The following G3BP1 variants were observed in gnomAD, a reference collection of about 807,000 sequenced individuals.
G3BP1 encodes the protein G3BP stress granule assembly factor 1, also known as ras GTPase-activating protein-binding protein 1.
A neutral mutation model predicts 58.6 loss-of-function variants in G3BP1; 35 were observed. The ratio of observed to expected loss-of-function variants is 0.60; its 90% confidence interval spans 0.46 to 0.79. G3BP1 has a LOEUF of 0.79. G3BP1 is among the 30% of genes least tolerant of loss of function. The probability of loss-of-function intolerance (pLI) is 0.00; values close to 1 mark genes in which losing one functional copy is unlikely to be tolerated. For missense variants in G3BP1, 523 were observed against 580.8 expected (o/e 0.90, Z 1.02); for synonymous variants, 191 against 195.4 (o/e 0.98, Z 0.19).
intron 1 of G3BP1, among the ~76,000 whole-genome samples, chr5:151,773,655 C>G (rs1762317196): frequency 6.6e-6 from 1 of 152,026 alleles, no homozygotes; most frequent in South Asian, 2.1e-4. Context: ...TTCTGGAAAC[C>G]CTTTCTATAA....
At chr5:151,783,492 C>A (rs913172461) in intron 1 of G3BP1, among the ~76,000 whole-genome samples, 1 of 151,670 alleles carries the variant, frequency 6.6e-6, no homozygotes, top group African/African-American at 2.4e-5. Flanking sequence ...GCTGCAACCT[C>A]TGCCTCCCAG....
chr5:151,791,462 T>C (rs1389955012), intron 4 of G3BP1: 1 of 165,606 alleles, frequency 6.0e-6, no homozygotes, highest in Non-Finnish European at 1.3e-5. Context: ...ATGTCTCTAG[T>C]CTCTTCTAAT....
At chr5:151,797,473 T>TC in intron 7 of G3BP1, 45 bp downstream of exon 7, 1 of 1,550,406 alleles carries the variant, frequency 6.4e-7, no homozygotes, top group African/African-American at 1.4e-5. Flanking sequence ...AGTTATTTTT[T>TC]TTAAAAAAAG....
intron 1 of G3BP1, among the ~76,000 whole-genome samples, chr5:151,778,294 G>C (rs1009839982): frequency 1.3e-5 from 2 of 152,144 alleles, no homozygotes; most frequent in African/African-American, 4.8e-5. Flanking sequence ...TAGTCATTGT[G>C]ACAGGTGTTT....
rs1762628895 is a variant in G3BP1 at position 151,790,335 on chromosome 5, G to T, written c.108G>T (p.Lys36Asn). 3 of 1,551,222 alleles carry T rather than the reference G, an allele frequency of 1.9e-6. No homozygotes were observed. Among genetic ancestry groups the T allele is most frequent in the African/African-American group, 2.8e-5 (2 of 72,142 alleles). ...APDMLHRFYG[K>N]NSSYVHGGLD... ...TCCCATTTTACAGATTTTATGGAAA[G>T]AACTCTTCTTATGTCCATGGGGGAT... Residue 36 changes from lysine (K) to asparagine (N), a missense_variant, in exon 3 of 12, where the codon AAG becomes AAT. By Grantham distance (94) the Lys-to-Asn change is moderately conservative (BLOSUM62 0). Around this residue, in one of 2 missense-constraint regions of G3BP1, gnomAD observed 398 missense variants for 399.1 expected, o/e 1.00. Transcript: ENST00000356245.
chr5:151,786,938 G>T, intron 2 of G3BP1: 1 of 292,548 alleles, frequency 3.4e-6, no homozygotes, highest in Non-Finnish European at 6.3e-6. Flanking sequence ...CACCTCCCCA[G>T]TTTAAGTGAT....
Position 151,804,256 on chromosome 5 carries a change from T to G in G3BP1, c.*165T>G. 2 of 436,038 alleles carry G rather than the reference T, an allele frequency of 4.6e-6. No homozygotes were observed. Among genetic ancestry groups the G allele is most frequent in the Non-Finnish European group, 8.1e-6 (2 of 247,100 alleles). 27.0% of individuals were successfully genotyped at this position (436,038 alleles called of 1,614,324 possible). ...GTTAATGGTGTGTGCTCCCTCTCCC[T>G]CTCTTCCCTTTCCTGACCTTTAGTC... is the stretch of plus-strand genomic sequence containing the variant. On this transcript the variant is annotated 3_prime_UTR_variant, in exon 12 of 12. Transcript: ENST00000356245.
intron 1 of G3BP1, among the ~76,000 whole-genome samples, chr5:151,782,633 T>C (rs1308364219): frequency 1.3e-5 from 2 of 152,168 alleles, no homozygotes; most frequent in Non-Finnish European, 2.9e-5. Flanking sequence ...GAAAAGGACT[T>C]AGTGTGCTGA....
chr5:151,790,388 C>T lies in G3BP1; in HGVS notation c.161C>T (p.Ala54Val), dbSNP rs972200420. Residue 54 changes from alanine (A) to valine (V), a missense_variant, in exon 3 of 12, where the codon GCA becomes GTA. Physicochemically the swap from Ala to Val is moderately conservative, Grantham distance 64. This residue lies in a region of G3BP1 where 398 missense variants were observed against 399.1 expected (regional missense o/e 1.00). Coordinates refer to ENST00000356245, the MANE Select transcript of G3BP1 (RefSeq NM_005754.3). ...GLDSNGKPAD[A>V]VYGQKEIHRK... ...GATTCAAATGGAAAGCCAGCAGATG[C>T]AGTCTACGGACAGAAAGTAAGCATT... is the stretch of plus-strand genomic sequence containing the variant. 1 of 1,576,656 alleles carries T rather than the reference C, an allele frequency of 6.3e-7. No individual in the cohort carries two copies. The highest frequency in any genetic ancestry group is 8.6e-7 in the Non-Finnish European group (1 of 1,158,240).
At chr5:151,802,516 T>G (rs1268985549) in intron 11 of G3BP1, among the ~76,000 whole-genome samples, 1 of 152,242 alleles carries the variant, frequency 6.6e-6, no homozygotes, top group African/African-American at 2.4e-5. Flanking sequence ...GTATTCTCCT[T>G]TCATCACTCA....
chr5:151,791,916 G>A (rs1046663885), intron 4 of G3BP1: 18 of 346,296 alleles, frequency 5.2e-5, no homozygotes, highest in African/African-American at 3.0e-4. Context: ...CTCAGCCTCC[G>A]AAAGTGGGAT....
Position 151,805,741 on chromosome 5 carries a change from T to C in G3BP1, c.*1650T>C, listed in dbSNP as rs868447923. 2 of 152,216 alleles carry C rather than the reference T, an allele frequency of 1.3e-5. No homozygotes were observed. Among genetic ancestry groups the C allele is most frequent in the South Asian group, 4.1e-4 (2 of 4,830 alleles). 9.4% of individuals were successfully genotyped at this position (152,216 alleles called of 1,614,324 possible). On this transcript the variant is annotated 3_prime_UTR_variant, in exon 12 of 12. Transcript: ENST00000356245. ...CTTTTTTGTAGGGTTAAAGTAACTTTGGTAACCACTTTTGGCCCAGATCAC... is the reference window on the plus strand; with the variant it reads ...CTTTTTTGTAGGGTTAAAGTAACTTCGGTAACCACTTTTGGCCCAGATCAC...
chr5:151,787,326 A>G (rs1257505817), intron 2 of G3BP1: 2 of 152,366 alleles, frequency 1.3e-5, no homozygotes, highest in South Asian at 4.1e-4. Context: ...AAGACAATCC[A>G]TGACTGTTCC....
At chr5:151,797,760 TTAC>T (rs1409199978) in intron 7 of G3BP1, among the ~76,000 whole-genome samples, 9 of 152,352 alleles carry the variant, frequency 5.9e-5, no homozygotes, top group Non-Finnish European at 1.3e-4. Context: ...TACATACTTG[TTAC>T]TACAAGTGCA....
At chr5:151,791,308 C>T (rs1762648168) in intron 4 of G3BP1, 1 of 308,720 alleles carries the variant, frequency 3.2e-6, no homozygotes, top group Admixed American at 4.3e-5. Flanking sequence ...TTCTGTAGTA[C>T]AGTTATCAAA....
chr5:151,786,375 G>C lies in G3BP1; in HGVS notation c.-49-197G>C, dbSNP rs550388132. Among the ~76,000 whole-genome samples, 14 of 152,276 alleles carry C rather than the reference G, an allele frequency of 9.2e-5. No homozygotes were observed. In the South Asian group the frequency reaches 2.7e-3, roughly 29 times the overall value. ...CGTCTTGAATATTGGGGATAATGATGAATTCTTCATAATGATTTCCCCCTT... is the reference window on the plus strand; with the variant it reads ...CGTCTTGAATATTGGGGATAATGATCAATTCTTCATAATGATTTCCCCCTT... On this transcript the variant is annotated intron_variant, in intron 1 of 11. Coordinates refer to ENST00000356245, the MANE Select transcript of G3BP1 (RefSeq NM_005754.3).
chr5:151,791,031 G>A lies in G3BP1; in HGVS notation c.320G>A (p.Arg107Lys), dbSNP rs374377650. Residue 107 changes from arginine to lysine, a missense_variant, in exon 4 of 12, where the codon AGA (arginine) becomes AAA (lysine). This residue lies in a region of G3BP1 where 398 missense variants were observed against 399.1 expected (regional missense o/e 1.00). Transcript: ENST00000356245. ...LLSNNNQALR[R>K]FMQTFVLAPE... ...TCTAACAACAACCAGGCTTTGAGGAGATTCATGCAAACGTTTGTCCTTGCT... is the reference window on the plus strand; with the variant it reads ...TCTAACAACAACCAGGCTTTGAGGAAATTCATGCAAACGTTTGTCCTTGCT... The A allele has an allele frequency of 3.7e-6, 6 of 1,613,744 alleles. No homozygotes were observed. The highest frequency in any genetic ancestry group is 5.1e-6 in the Non-Finnish European group (6 of 1,179,828).
Position 151,810,272 on chromosome 5 carries a change from C to T in G3BP1, c.*6181C>T, listed in dbSNP as rs1006365068. The T allele has an allele frequency of 6.6e-5, 10 of 151,264 alleles. No homozygotes were observed. Among genetic ancestry groups the T allele is most frequent in the South Asian group, 6.3e-4 (3 of 4,782 alleles). 9.4% of individuals were successfully genotyped at this position (151,264 alleles called of 1,614,324 possible). On this transcript the variant is annotated 3_prime_UTR_variant, in exon 12 of 12. Transcript: ENST00000356245. ...CTTGGCTTCAAGTGCCTTCTGTCTT[C>T]CCCGAAGGTCCACTGAGATCTACAA...
intron 1 of G3BP1, among the ~76,000 whole-genome samples, chr5:151,773,748 G>T (rs137936488): frequency 3.3e-5 from 5 of 152,200 alleles, no homozygotes; most frequent in Non-Finnish European, 5.9e-5. Flanking sequence ...CCGGTTACTT[G>T]CCCTTACAGA....
Sources: gnomAD v4.1 joint callset for allele counts (sites outside exome capture counted in the v4.1 genomes callset) on GRCh38, gnomAD v4.1.1 for gene constraint, gnomAD v4.1.1 regional missense constraint, MANE v1.5 for transcripts, NCBI Gene and HGNC (gene_info 2026-07-23, HGNC 2026-07-21) for gene names.